COL22A1: variants seen among roughly 807,000 people sequenced by gnomAD.
COL22A1 encodes collagen alpha-1(XXII) chain.
COL22A1 carries 221 observed loss-of-function variants against 248.9 expected under a neutral mutation model. The ratio of observed to expected loss-of-function variants is 0.89; its 90% CI spans 0.80 to 0.99. The LOEUF (loss-of-function observed/expected upper bound fraction) is 0.99. COL22A1 is among the 50% of genes least tolerant of loss of function. The pLI, the probability that COL22A1 is intolerant of heterozygous loss-of-function variation, is 0.00. For missense variants in COL22A1, 2,240 were observed against 2,179.0 expected, an observed-to-expected ratio of 1.03 and a Z score of -0.56; for synonymous variants, 891 against 793.4, an observed-to-expected ratio of 1.12 and a Z score of -2.07.
At chr8:138,726,539 A>G (rs1243278132) in intron 23 of COL22A1, among the ~76,000 whole-genome samples, 3 of 151,720 alleles carry the variant, frequency 2.0e-5, no homozygotes, top group Admixed American at 6.6e-5. Context: ...AAATGGCCCA[A>G]CTAAACCTAT....
chr8:138,661,524 C>A (rs75455389), intron 43 of COL22A1, among the ~76,000 whole-genome samples: 2 of 152,304 alleles, frequency 1.3e-5, no homozygotes, highest in African/African-American at 4.8e-5. Flanking sequence ...GACACAGGGG[C>A]TCCTTCTTAG....
intron 12 of COL22A1, among the ~76,000 whole-genome samples, chr8:138,783,615 AC>A (rs1452627929): frequency 6.6e-6 from 1 of 152,182 alleles, no homozygotes; most frequent in African/African-American, 2.4e-5. Flanking sequence ...TCCTTTGGCA[AC>A]ACCCTCAGAC....
chr8:138,612,873 T>C (rs1818981705), intron 56 of COL22A1, among the ~76,000 whole-genome samples: 1 of 132,148 alleles, frequency 7.6e-6, no homozygotes, highest in Admixed American at 9.1e-5. Flanking sequence ...GAGGCAGAGG[T>C]TGCAATGAGC....
chr8:138,689,164 G>A (rs556328368), intron 36 of COL22A1, among the ~76,000 whole-genome samples, 194 bp from the exon 37 acceptor site: 2 of 146,306 alleles, frequency 1.4e-5, no homozygotes, highest in South Asian at 4.3e-4. Flanking sequence ...CTCCCGGGGG[G>A]GGGGCTGGCC....
At chr8:138,730,716 C>T (rs923579963) in intron 23 of COL22A1, among the ~76,000 whole-genome samples, 2 of 152,032 alleles carry the variant, frequency 1.3e-5, no homozygotes, top group Admixed American at 1.3e-4. Context: ...AAAAGAGGTG[C>T]TCGAAGGCCA....
chr8:138,674,326 C>T (rs1191260544), intron 41 of COL22A1, among the ~76,000 whole-genome samples: 3 of 152,098 alleles, frequency 2.0e-5, no homozygotes, highest in South Asian at 2.1e-4. Context: ...TTGACATGTA[C>T]CCACCCCCAC....
At chr8:138,631,695 C>T (rs1820733711) in intron 49 of COL22A1, among the ~76,000 whole-genome samples, 1 of 21,794 alleles carries the variant, frequency 4.6e-5, no homozygotes, top group African/African-American at 1.6e-4. Context: ...CACATATGCA[C>T]AGCCTCATAC....
intron 18 of COL22A1, among the ~76,000 whole-genome samples, chr8:138,756,413 C>T (rs569623473): frequency 6.0e-4 from 92 of 152,224 alleles, no homozygotes; most frequent in African/African-American, 1.8e-3. Context: ...GTGGCCTGAC[C>T]GGATGTTCCA....
chr8:138,771,100 C>T lies in COL22A1; in HGVS notation c.1803+4866G>A, dbSNP rs914721303. Among the ~76,000 whole-genome samples the T allele has an allele frequency of 5.9e-5, 9 of 152,304 alleles. No homozygotes were observed. The South Asian group carries it at 1.2e-3, about 21-fold the overall frequency. ...CCGAGCTGGGATTCAAGGGCAGGCC[C>T]CAGGATCACAGTGCAGGGCTGCTCT... On this transcript the variant is annotated intron_variant, in intron 16 of 64. Coordinates refer to ENST00000303045, the MANE Select transcript of COL22A1 (RefSeq NM_152888.3).
intron 23 of COL22A1, among the ~76,000 whole-genome samples, chr8:138,733,388 G>C (rs1563683430): frequency 6.6e-6 from 1 of 152,182 alleles, no homozygotes; most frequent in Non-Finnish European, 1.5e-5. Flanking sequence ...CCACCCTGGG[G>C]CTTTGCACGC....
intron 56 of COL22A1, among the ~76,000 whole-genome samples, chr8:138,611,181 C>T (rs1285573496): frequency 1.3e-5 from 2 of 152,232 alleles, no homozygotes; most frequent in Non-Finnish European, 2.9e-5. Context: ...GAGCTAAGGC[C>T]CCTCTTGCCT....
intron 11 of COL22A1, among the ~76,000 whole-genome samples, chr8:138,798,297 G>T (rs1353437632): frequency 6.6e-6 from 1 of 151,612 alleles, no homozygotes; most frequent in Non-Finnish European, 1.5e-5. Flanking sequence ...ATTTATATAT[G>T]CCATATTAGT....
chr8:138,855,496 G>A (rs1343884723), intron 3 of COL22A1, among the ~76,000 whole-genome samples: 3 of 152,142 alleles, frequency 2.0e-5, no homozygotes, highest in African/African-American at 4.8e-5. Flanking sequence ...TCTCCTCCCC[G>A]TTTGAGTGCA....
At chr8:138,851,186 G>A (rs1821618914) in intron 3 of COL22A1, among the ~76,000 whole-genome samples, 1 of 152,198 alleles carries the variant, frequency 6.6e-6, no homozygotes, top group Non-Finnish European at 1.5e-5. Context: ...TGCTGGATAA[G>A]CTGGTCTGGG....
At chr8:138,738,022 C>T (rs1353405756) in intron 22 of COL22A1, among the ~76,000 whole-genome samples, 1 of 152,122 alleles carries the variant, frequency 6.6e-6, no homozygotes, top group Non-Finnish European at 1.5e-5. Context: ...CCCGTTTCTT[C>T]ACAGACTTCA....
intron 40 of COL22A1, among the ~76,000 whole-genome samples, 200 bp downstream of exon 40, chr8:138,679,417 C>T (rs1037689822): frequency 6.6e-5 from 10 of 152,184 alleles, no homozygotes; most frequent in Non-Finnish European, 1.2e-4. Flanking sequence ...AGTTTGTATG[C>T]TTCCATGGTA....
At chr8:138,902,784 ACT>A (rs199630584) in intron 1 of COL22A1, among the ~76,000 whole-genome samples, 1,592 of 149,392 alleles carry the variant, frequency 0.011, 17 homozygotes, top group African/African-American at 0.023. Flanking sequence ...ACACACACAC[ACT>A]AGAACTGACT....
chr8:138,759,885 A>AT (rs1403364933), intron 18 of COL22A1, among the ~76,000 whole-genome samples: 1 of 152,074 alleles, frequency 6.6e-6, no homozygotes, highest in African/African-American at 2.4e-5. Context: ...TTTTTGTAAG[A>AT]TTTTTTAATA....
intron 25 of COL22A1, 54 bp downstream of exon 25, chr8:138,724,561 C>T: frequency 1.3e-6 from 2 of 1,562,694 alleles, no homozygotes; most frequent in South Asian, 1.1e-5. Context: ...GTGCTCCCCC[C>T]AGAGCAATGG....
Sources: allele counts gnomAD v4.1 joint callset (sites outside exome capture counted in the v4.1 genomes callset), GRCh38; gene constraint gnomAD v4.1.1; transcripts MANE v1.5; gene names NCBI Gene and HGNC (gene_info 2026-07-23, HGNC 2026-07-21).